The following RGPD4 variants were observed in gnomAD, a reference collection of about 807,000 sequenced individuals.
RGPD4 encodes the protein RANBP2 like and GRIP domain containing 4, also known as ranBP2-like and GRIP domain-containing protein 4.
RGPD4 carries 84 observed loss-of-function variants against 141.1 expected under a neutral mutation model. The ratio of observed to expected loss-of-function variants is 0.60; its 90% CI spans 0.50 to 0.71. RGPD4 has a LOEUF of 0.71. RGPD4 is among the 30% of genes least tolerant of loss of function. The probability of loss-of-function intolerance (pLI) is 0.00; values close to 1 mark genes in which losing one functional copy is unlikely to be tolerated. For synonymous variants in RGPD4, 298 were observed against 566.8 expected (o/e 0.53, Z 6.74); for missense variants, 918 against 1,622.4 (o/e 0.57, Z 7.46).
At chr2:107,828,831 C>G (rs1300706246) in intron 1 of RGPD4, among the ~76,000 whole-genome samples, 6 of 15,342 alleles carry the variant, frequency 3.9e-4, no homozygotes, top group South Asian at 3.8e-3. Context: ...CGACCCGGCC[C>G]GGCGGCGGCC....
intron 22 of RGPD4, among the ~76,000 whole-genome samples, chr2:107,883,507 G>T (rs998927904): frequency 6.7e-6 from 1 of 150,366 alleles, no homozygotes; most frequent in African/African-American, 2.5e-5. Context: ...GCATGCGCCT[G>T]TAGTCCCAGC....
intron 9 of RGPD4, among the ~76,000 whole-genome samples, chr2:107,858,573 G>C (rs1289713329): frequency 1.3e-5 from 2 of 152,154 alleles, no homozygotes; most frequent in African/African-American, 4.8e-5. Flanking sequence ...CACGTAGCTG[G>C]GACTATAGGC....
rs1675652520 is a variant in RGPD4, at chr2:107,891,322, T to TAATAA, written c.*594_*598dup. On this transcript the variant is annotated 3_prime_UTR_variant, in exon 23 of 23. Coordinates refer to ENST00000408999, the MANE Select transcript of RGPD4 (RefSeq NM_182588.3). ...ACCTTGTCTCTAAAAATAATAATAG[T>TAATAA]AATAAAAATAACATTTTATGACTAT... is the stretch of plus-strand genomic sequence containing the variant. Among the ~76,000 whole-genome samples, 1 of 103,074 alleles carries TAATAA rather than the reference T, an allele frequency of 9.7e-6. No homozygotes were observed. The allele number at this position is 103,074 out of a possible 152,430, so 67.6% of individuals were successfully genotyped here.
At position 107,862,972 on chromosome 2, in the gene RGPD4, A is replaced by C; in HGVS notation, c.2409A>C (p.Arg803=). 2.5e-6 allele frequency: 4 copies of C among 1,596,760 alleles called. No homozygotes were observed. The highest frequency in any genetic ancestry group is 3.4e-6 in the Non-Finnish European group (4 of 1,175,158). The change falls in exon 17 of 23, where the codon CGA becomes CGC. Residue 803 remains arginine, a synonymous_variant. Transcript: ENST00000408999. ...SYKYSPKTPP[R]WAEDQNSLLK... Reference sequence around the variant, plus strand: ...AGTATTCTCCCAAAACACCACCTCGATGGGCAGAAGATCAGAATTCTTTAC... The same window carrying C: ...AGTATTCTCCCAAAACACCACCTCGCTGGGCAGAAGATCAGAATTCTTTAC...
intron 7 of RGPD4, among the ~76,000 whole-genome samples, chr2:107,854,073 G>A (rs1051424075): frequency 7.0e-5 from 3 of 42,968 alleles, no homozygotes; most frequent in Non-Finnish European, 1.3e-4. Context: ...TTTTTTTTTT[G>A]CGATGGAGTC....
chr2:107,883,750 A>T (rs558040472), intron 22 of RGPD4, among the ~76,000 whole-genome samples: 3 of 151,768 alleles, frequency 2.0e-5, no homozygotes, highest in Admixed American at 6.6e-5. Context: ...GCTATAGTTA[A>T]CTGAATTCAA....
rs1334248610 is a variant in RGPD4, at chr2:107,875,219, AAAG to A, written c.4924+2294_4924+2296del. Among the ~76,000 whole-genome samples the A allele has an allele frequency of 8.2e-5, 6 of 72,794 alleles. No individual in the cohort carries two copies. The East Asian group carries it at 1.3e-3, about 16-fold the overall frequency. The allele number at this position is 72,794 out of a possible 152,430, so 47.8% of individuals were successfully genotyped here. ...CTAGTAGCCATATTAAAAAGAATAAAAAGAAACAGTTAAAAAGGGAAACAGATG... is the reference window on the plus strand; with the variant it reads ...CTAGTAGCCATATTAAAAAGAATAAAAAACAGTTAAAAAGGGAAACAGATG... On this transcript the variant is annotated intron_variant, in intron 20 of 22. Coordinates refer to ENST00000408999, the MANE Select transcript of RGPD4 (RefSeq NM_182588.3).
At chr2:107,873,695 T>C (rs1321218875) in intron 20 of RGPD4, among the ~76,000 whole-genome samples, 1 of 151,932 alleles carries the variant, frequency 6.6e-6, no homozygotes, top group Non-Finnish European at 1.5e-5. Context: ...TAAATGAATA[T>C]GTAAGACAGA....
At position 107,871,785 on chromosome 2, in the gene RGPD4, G is replaced by T. The variant is rs759916256; in HGVS notation, c.3781G>T (p.Asp1261Tyr). 5 of 1,611,538 alleles carry T rather than the reference G, an allele frequency of 3.1e-6. No homozygotes were observed. The South Asian group carries it at 4.4e-5, about 14-fold the overall frequency. ...NCDLREDALDDSVSSSSVHAS... is the reference protein window; with the variant it reads ...NCDLREDALDYSVSSSSVHAS... ...TGATTTAAGGGAAGATGCTTTGGAT[G>T]ATAGTGTCAGTAGTAGCTCAGTACA... Residue 1261 changes from aspartate to tyrosine, a missense_variant, in exon 20 of 23, where the codon GAT becomes TAT. Coordinates refer to ENST00000408999, the MANE Select transcript of RGPD4 (RefSeq NM_182588.3).
chr2:107,854,232 T>A (rs1303659547), intron 7 of RGPD4, among the ~76,000 whole-genome samples: 2 of 146,050 alleles, frequency 1.4e-5, no homozygotes, highest in Non-Finnish European at 3.0e-5. Flanking sequence ...TTTGTTTTTT[T>A]TTTTTATTTT....
At chr2:107,883,107 C>T in intron 22 of RGPD4, 1 of 645,200 alleles carries the variant, frequency 1.5e-6, no homozygotes, top group Non-Finnish European at 2.8e-6. Flanking sequence ...TTAGCTTGAT[C>T]TTCTAGCTCT....
intron 6 of RGPD4, among the ~76,000 whole-genome samples, chr2:107,846,219 C>A (rs1187476729): frequency 2.0e-5 from 3 of 150,696 alleles, no homozygotes; most frequent in African/African-American, 7.4e-5. Context: ...AGCCACCGCG[C>A]CCGGCTGGTC....
Position 107,876,443 on chromosome 2 carries a change from A to G in RGPD4, c.4924+3515A>G, listed in dbSNP as rs557009216. Among the ~76,000 whole-genome samples the G allele has an allele frequency of 2.8e-4, 43 of 151,748 alleles. 1 individual carries two copies. Among genetic ancestry groups the G allele is most frequent in the African/African-American group, 9.2e-4 (38 of 41,084 alleles). Reference sequence around the variant, plus strand: ...GATTTGTTTCTTGTTCTCCGTTGTTAGTCATCAAATTTGTCTACTTTTTAA... The same window carrying G: ...GATTTGTTTCTTGTTCTCCGTTGTTGGTCATCAAATTTGTCTACTTTTTAA... On this transcript the variant is annotated intron_variant, in intron 20 of 22. Coordinates refer to ENST00000408999, the MANE Select transcript of RGPD4 (RefSeq NM_182588.3).
At chr2:107,875,498 T>A (rs1243510216) in intron 20 of RGPD4, among the ~76,000 whole-genome samples, 1 of 140,664 alleles carries the variant, frequency 7.1e-6, no homozygotes, top group East Asian at 2.0e-4. Flanking sequence ...CTGTCACCAG[T>A]TGGTATACAT....
intron 8 of RGPD4, 91 bp downstream of exon 8, chr2:107,854,734 G>A (rs1004157875): frequency 1.9e-5 from 30 of 1,550,746 alleles, no homozygotes; most frequent in Non-Finnish European, 2.6e-5. Flanking sequence ...CTGTCCAGGA[G>A]ATAATTTGTC....
chr2:107,881,297 C>T (rs1305573631), intron 21 of RGPD4, among the ~76,000 whole-genome samples: 4 of 149,430 alleles, frequency 2.7e-5, no homozygotes, highest in South Asian at 2.1e-4. Context: ...CCCAGTAAAC[C>T]TAAATGACTT....
chr2:107,827,107 C>G (rs1490823598), intron 1 of RGPD4, 22 bp downstream of exon 1: 3 of 1,577,860 alleles, frequency 1.9e-6, no homozygotes, highest in Admixed American at 1.8e-5. Context: ...TCGAAGAGAC[C>G]GACGGCCTCG....
At chr2:107,889,878 AT>A (rs926052282) in intron 22 of RGPD4, among the ~76,000 whole-genome samples, 6 of 149,882 alleles carry the variant, frequency 4.0e-5, no homozygotes, top group Non-Finnish European at 7.4e-5. Context: ...TTTTAAAAGA[AT>A]TTTTTTTAAA....
intron 22 of RGPD4, among the ~76,000 whole-genome samples, chr2:107,885,988 G>C (rs893888870): frequency 4.6e-5 from 7 of 151,230 alleles, no homozygotes; most frequent in African/African-American, 1.7e-4. Flanking sequence ...AGGAGGCAGA[G>C]GTTGCAGTGA....
Sources: allele counts gnomAD v4.1 joint callset (sites outside exome capture counted in the v4.1 genomes callset), GRCh38; gene constraint gnomAD v4.1.1; transcripts MANE v1.5; gene names NCBI Gene and HGNC (gene_info 2026-07-23, HGNC 2026-07-21).